The following HOATZ variants were observed in gnomAD, a reference collection of about 807,000 sequenced individuals.
The protein encoded by HOATZ is cilia- and flagella-associated protein HOATZ.
Under a neutral mutation model 24.9 loss-of-function variants are expected in HOATZ, and 26 were observed. The ratio of observed to expected loss-of-function variants is 1.04; its 90% confidence interval spans 0.76 to 1.45. The LOEUF is 1.45. Ranked by LOEUF, HOATZ falls within the 40% of genes most tolerant of loss-of-function variation. The pLI is 0.00. For synonymous variants in HOATZ, 83 were observed against 76.6 expected (o/e 1.08, Z -0.43); for missense variants, 226 against 201.5 (o/e 1.12, Z -0.74).
chr11:111,517,320 G>A (rs757196029), intron 3 of HOATZ, among the ~76,000 whole-genome samples: 18 of 152,104 alleles, frequency 1.2e-4, no homozygotes, highest in South Asian at 2.1e-4. Context: ...CAGTGCTTTC[G>A]GAATTTAATT....
At chr11:111,536,651 A>G in intron 5 of HOATZ, 119 bp from the exon 6 acceptor site, 1 of 785,708 alleles carries the variant, frequency 1.3e-6, no homozygotes, top group Admixed American at 1.9e-5. Flanking sequence ...AACCCAACAC[A>G]TAGAATCTAC....
chr11:111,522,284 T>C (rs1047696895), intron 3 of HOATZ, among the ~76,000 whole-genome samples: 1 of 152,222 alleles, frequency 6.6e-6, no homozygotes, highest in African/African-American at 2.4e-5. Context: ...TTAAAATTAA[T>C]GCAGAACTAT....
chr11:111,528,222 A>C (rs1565251091), intron 3 of HOATZ, among the ~76,000 whole-genome samples: 1 of 151,888 alleles, frequency 6.6e-6, no homozygotes. Flanking sequence ...GGTCCCAACT[A>C]CTTGGGAGGC....
chr11:111,519,593 ATGT>A (rs1270815086), intron 3 of HOATZ, among the ~76,000 whole-genome samples: 7 of 152,166 alleles, frequency 4.6e-5, no homozygotes, highest in Middle Eastern at 3.2e-3. Context: ...TAAATCGATA[ATGT>A]TGTCTCTGCA....
intron 3 of HOATZ, among the ~76,000 whole-genome samples, chr11:111,531,450 A>C (rs992444736): frequency 3.3e-5 from 5 of 152,224 alleles, no homozygotes; most frequent in Non-Finnish European, 7.3e-5. Flanking sequence ...TCAATACCAT[A>C]ATAAAGGTAT....
chr11:111,530,267 T>C (rs901284253), intron 3 of HOATZ, among the ~76,000 whole-genome samples: 5 of 152,186 alleles, frequency 3.3e-5, no homozygotes, highest in African/African-American at 1.2e-4. Flanking sequence ...TACTGCATAG[T>C]TGTGGTGGGG....
At chr11:111,523,205 C>CT (rs747393521) in intron 3 of HOATZ, among the ~76,000 whole-genome samples, 12,491 of 93,920 alleles carry the variant, frequency 0.13, 705 homozygotes, top group Middle Eastern at 0.2. Flanking sequence ...TAAGTGTTCA[C>CT]TTTTTTTTTT....
rs749857213 is a variant in HOATZ at position 111,525,063 on chromosome 11, G to A, written c.340-8683G>A. On this transcript the variant is annotated intron_variant, in intron 3 of 5. Coordinates refer to ENST00000375618, the MANE Select transcript of HOATZ (RefSeq NM_001100388.2). ...TTTTTGTATTTTTTGTAGAGGCAGG[G>A]TTTTGCCATGTTGCCCAGGCTGGTC... 1.6e-3 allele frequency: 480 copies of A among 306,484 alleles called. 2 individuals are homozygous for A. Among genetic ancestry groups the A allele is most frequent in the South Asian group, 5.2e-3 (194 of 37,512 alleles). 19.0% of individuals were successfully genotyped at this position (306,484 alleles called of 1,614,324 possible). A position where few individuals can be genotyped will look rare whatever the true frequency, so the allele number is the denominator to read the frequency against.
chr11:111,533,938 G>A, intron 4 of HOATZ, 133 bp downstream of exon 4: 1 of 565,606 alleles, frequency 1.8e-6, no homozygotes, highest in Non-Finnish European at 3.0e-6. Flanking sequence ...ACCAGAGTGG[G>A]GCAAGGTATA....
intron 3 of HOATZ, among the ~76,000 whole-genome samples, chr11:111,518,606 C>T (rs886415680): frequency 2.6e-5 from 4 of 152,208 alleles, no homozygotes; most frequent in African/African-American, 9.7e-5. Flanking sequence ...GCAATCCTAA[C>T]TCCAAAGTCC....
intron 3 of HOATZ, 46 bp from the exon 4 acceptor site, chr11:111,533,700 C>T (rs763775143): frequency 7.3e-7 from 1 of 1,363,820 alleles, no homozygotes; most frequent in East Asian, 2.4e-5. Flanking sequence ...AGGCGTAAGT[C>T]TTTATTATTG....
At chr11:111,531,885 G>C (rs1867397103) in intron 3 of HOATZ, among the ~76,000 whole-genome samples, 1 of 152,148 alleles carries the variant, frequency 6.6e-6, no homozygotes, top group African/African-American at 2.4e-5. Flanking sequence ...GAGGTTTCTA[G>C]CTTCTTTAGC....
At chr11:111,525,153 G>A (rs1867322862) in intron 3 of HOATZ, among the ~76,000 whole-genome samples, 1 of 152,072 alleles carries the variant, frequency 6.6e-6, no homozygotes, top group Non-Finnish European at 1.5e-5. Context: ...TTACAGGCAT[G>A]AGCCACCACA....
chr11:111,519,286 T>G (rs1016748439), intron 3 of HOATZ: 1 of 177,670 alleles, frequency 5.6e-6, no homozygotes, highest in African/African-American at 2.3e-5. Flanking sequence ...TTTTTGGTTA[T>G]TAAACTCAGT....
chr11:111,534,820 G>T (rs778329749), intron 5 of HOATZ: 48 of 204,484 alleles, frequency 2.3e-4, no homozygotes, highest in Admixed American at 3.8e-4. Flanking sequence ...CTTCTTTAGT[G>T]AATCAGCACG....
chr11:111,516,059 C>T lies in HOATZ; in HGVS notation c.288C>T (p.Ala96=), dbSNP rs202050534. The change falls in exon 3 of 6, where the codon GCC becomes GCT. Residue 96 remains alanine (A), a synonymous_variant. Coordinates refer to ENST00000375618, the MANE Select transcript of HOATZ (RefSeq NM_001100388.2). ...LASNKNRDIF[A]EALKIQESEE... ...CTCTAGAAAATAGAGACATCTTTGC[C>T]GAAGCCCTAAAGATACAGGAATCTG... 135 of 1,593,154 alleles carry T rather than the reference C, an allele frequency of 8.5e-5. No homozygotes were observed. The highest frequency in any genetic ancestry group is 1.1e-4 in the Non-Finnish European group (128 of 1,168,492).
At chr11:111,531,698 C>T (rs766404819) in intron 3 of HOATZ, among the ~76,000 whole-genome samples, 21 of 152,212 alleles carry the variant, frequency 1.4e-4, no homozygotes, top group South Asian at 2.1e-4. Flanking sequence ...TCAAGTAAAA[C>T]GTAGAAATCC....
chr11:111,515,641 G>A (rs1345533433), intron 2 of HOATZ, 89 bp downstream of exon 2: 2 of 1,118,502 alleles, frequency 1.8e-6, no homozygotes, highest in Non-Finnish European at 2.7e-6. Flanking sequence ...ACTTTACACT[G>A]TGGTATAACT....
At chr11:111,523,204 A>G (rs1227336429) in intron 3 of HOATZ, among the ~76,000 whole-genome samples, 1 of 116,098 alleles carries the variant, frequency 8.6e-6, no homozygotes, top group Non-Finnish European at 1.8e-5. Flanking sequence ...CTAAGTGTTC[A>G]CTTTTTTTTT....
Sources: gnomAD v4.1 joint callset for allele counts (sites outside exome capture counted in the v4.1 genomes callset) on GRCh38, gnomAD v4.1.1 for gene constraint, MANE v1.5 for transcripts, NCBI Gene and HGNC (gene_info 2026-07-23, HGNC 2026-07-21) for gene names.